Variants in MRAP2 observed in about 807,000 individuals in gnomAD.
The protein encoded by MRAP2 is melanocortin 2 receptor accessory protein 2.
A neutral mutation model predicts 17.4 loss-of-function variants in MRAP2; 20 were observed. The observed-to-expected ratio is 1.15, with a 90% CI of 0.81 to 1.67. The LOEUF (loss-of-function observed/expected upper bound fraction) is 1.67. Ranked by LOEUF, MRAP2 falls within the 40% of genes most tolerant of loss-of-function variation. The pLI is 0.00. For synonymous variants in MRAP2, 96 were observed against 88.4 expected (o/e 1.09, Z -0.48); for missense variants, 238 against 240.0 (o/e 0.99, Z 0.05).
intron 1 of MRAP2, among the ~76,000 whole-genome samples, chr6:84,053,265 A>G (rs894493661): frequency 2.6e-5 from 4 of 152,144 alleles, no homozygotes; most frequent in African/African-American, 7.2e-5. Context: ...CTGCTCTGCT[A>G]TTATAGTAGC....
At chr6:84,101,728 G>A in the MRAP2 span, among the ~76,000 whole-genome samples, 7 of 152,140 alleles carry the variant, frequency 4.6e-5, no homozygotes, top group African/African-American at 1.7e-4. Context: ...AACTTGATTA[G>A]TGGTTAAAGA....
At chr6:84,097,498 A>G in the MRAP2 span, among the ~76,000 whole-genome samples, 1 of 152,198 alleles carries the variant, frequency 6.6e-6, no homozygotes, top group African/African-American at 2.4e-5. Context: ...CTGTGTTTCC[A>G]GAACTGGAAA....
the MRAP2 span, among the ~76,000 whole-genome samples, chr6:84,134,915 T>TAC: frequency 2.3e-4 from 17 of 74,066 alleles, no homozygotes; most frequent in African/African-American, 6.7e-4. Flanking sequence ...GAAAAGATCA[T>TAC]ATATACACAC....
At chr6:84,092,551 G>A (rs2099501944), downstream of MRAP2, among the ~76,000 whole-genome samples, 1 of 151,982 alleles carries the variant, frequency 6.6e-6, no homozygotes, top group South Asian at 2.1e-4. Flanking sequence ...TCCATCTGTG[G>A]ACCTGTAAAA....
chr6:84,069,023 CTG>C (rs2099495519), intron 3 of MRAP2, among the ~76,000 whole-genome samples: 6 of 151,902 alleles, frequency 3.9e-5, no homozygotes, highest in Non-Finnish European at 8.8e-5. Context: ...TTAGGGTTTG[CTG>C]ATGATCATAT....
At chr6:84,135,663 G>A in the MRAP2 span, among the ~76,000 whole-genome samples, 3 of 152,170 alleles carry the variant, frequency 2.0e-5, no homozygotes, top group Admixed American at 2.0e-4. Flanking sequence ...AGGGGTTCCA[G>A]ACCAGCCTGG....
chr6:84,045,309 G>A lies in MRAP2; in HGVS notation c.-7-10003G>A. ...TGGAGCTGTCAGGTACAGCTGATGA[G>A]GCTGCGAGGGCAGAGATCCAAATCT... is the stretch of plus-strand genomic sequence containing the variant. On this transcript the variant is annotated intron_variant, in intron 1 of 3. Transcript: ENST00000257776. The A allele has an allele frequency of 6.1e-6, 6 of 985,412 alleles. No homozygotes were observed. In the South Asian group the frequency reaches 2.8e-4, roughly 46 times the overall value. 61.0% of individuals were successfully genotyped at this position (985,412 alleles called of 1,614,324 possible). A position where few individuals can be genotyped will look rare whatever the true frequency, so the allele number is the denominator to read the frequency against.
At chr6:84,063,099 GTGGTTATA>G in intron 3 of MRAP2, 107 bp downstream of exon 3, 4 of 1,545,744 alleles carry the variant, frequency 2.6e-6, no homozygotes, top group Non-Finnish European at 3.5e-6. Flanking sequence ...AGAGAAGGGG[GTGGTTATA>G]GATTTGCTGT....
chr6:84,059,530 G>A (rs2099492547), intron 2 of MRAP2, among the ~76,000 whole-genome samples: 1 of 152,214 alleles, frequency 6.6e-6, no homozygotes, highest in Admixed American at 6.5e-5. Flanking sequence ...AGAGGAGGGT[G>A]AGTCGGATGG....
At chr6:84,082,343 T>C (rs1393125365) in intron 3 of MRAP2, among the ~76,000 whole-genome samples, 1 of 152,230 alleles carries the variant, frequency 6.6e-6, no homozygotes, top group Non-Finnish European at 1.5e-5. Context: ...ACTTTTAATA[T>C]TAAAGCTCAA....
chr6:84,127,099 GAC>G, the MRAP2 span, among the ~76,000 whole-genome samples: 1 of 152,096 alleles, frequency 6.6e-6, no homozygotes, highest in Admixed American at 6.6e-5. Context: ...AGAGATTAAA[GAC>G]ACAGACCCCA....
intron 3 of MRAP2, among the ~76,000 whole-genome samples, chr6:84,065,099 A>G (rs1489379639): frequency 6.6e-6 from 1 of 152,168 alleles, no homozygotes; most frequent in Admixed American, 6.5e-5. Context: ...AGCCTGGGCA[A>G]CATGGCAAAA....
chr6:84,101,989 G>T, the MRAP2 span, among the ~76,000 whole-genome samples: 2 of 152,168 alleles, frequency 1.3e-5, no homozygotes, highest in Admixed American at 1.3e-4. Context: ...GTAAGTCAGT[G>T]TGTGTGCATG....
the MRAP2 span, among the ~76,000 whole-genome samples, chr6:84,110,134 G>T: frequency 2.0e-5 from 3 of 150,706 alleles, no homozygotes; most frequent in Admixed American, 2.0e-4. Flanking sequence ...GGATTGCTGG[G>T]TCTGGTTCTA....
downstream of MRAP2, among the ~76,000 whole-genome samples, chr6:84,095,039 T>C (rs951591663): frequency 3.9e-5 from 6 of 152,212 alleles, no homozygotes; most frequent in Non-Finnish European, 5.9e-5. Context: ...TTTGTTTTTT[T>C]ACAACAGCAA....
chr6:84,093,383 C>A (rs1000180140), downstream of MRAP2, among the ~76,000 whole-genome samples: 3 of 152,106 alleles, frequency 2.0e-5, no homozygotes, highest in Non-Finnish European at 2.9e-5. Context: ...GGTCAGCCAT[C>A]TCTGTCGTCT....
the MRAP2 span, among the ~76,000 whole-genome samples, chr6:84,110,014 G>C: frequency 6.6e-6 from 1 of 152,078 alleles, no homozygotes; most frequent in Non-Finnish European, 1.5e-5. Flanking sequence ...ATGGGCATTT[G>C]GGTTGGTTCC....
At chr6:84,097,740 A>G in the MRAP2 span, among the ~76,000 whole-genome samples, 1 of 152,150 alleles carries the variant, frequency 6.6e-6, no homozygotes, top group African/African-American at 2.4e-5. Flanking sequence ...TTATTCTTAT[A>G]TTATTAATCA....
At chr6:84,122,690 C>T in the MRAP2 span, among the ~76,000 whole-genome samples, 1 of 152,088 alleles carries the variant, frequency 6.6e-6, no homozygotes, top group Non-Finnish European at 1.5e-5. Flanking sequence ...TGTGCACTCT[C>T]ACCACGTCTA....
Sources: allele counts gnomAD v4.1 joint callset (sites outside exome capture counted in the v4.1 genomes callset), GRCh38; gene constraint gnomAD v4.1.1; transcripts MANE v1.5; gene names NCBI Gene and HGNC (gene_info 2026-07-23, HGNC 2026-07-21).